Variants in WDR64 observed in about 807,000 individuals in gnomAD.
The protein encoded by WDR64 is WD repeat-containing protein 64.
A neutral mutation model predicts 139.3 loss-of-function variants in WDR64; 112 were observed. The ratio of observed to expected loss-of-function variants is 0.80; its 90% CI spans 0.69 to 0.94. The LOEUF is 0.94. WDR64 is among the 40% of genes least tolerant of loss of function. The pLI, the probability that WDR64 is intolerant of heterozygous loss-of-function variation, is 0.00. For missense variants in WDR64, 1,206 were observed against 1,293.1 expected, an observed-to-expected ratio of 0.93 and a Z score of 1.03; for synonymous variants, 444 against 437.7, an observed-to-expected ratio of 1.01 and a Z score of -0.18.
intron 7 of WDR64, 69 bp downstream of exon 7, chr1:241,683,770 A>G (rs905023921): frequency 8.1e-7 from 1 of 1,240,746 alleles, no homozygotes; most frequent in Non-Finnish European, 1.1e-6. Context: ...GCTTTATGGT[A>G]CAAAGTGAAA....
At chr1:241,678,656 C>T (rs7419051) in intron 5 of WDR64, among the ~76,000 whole-genome samples, 18,481 of 151,818 alleles carry the variant, frequency 0.12, 1,219 homozygotes, top group East Asian at 0.19. Flanking sequence ...CATCATTAAT[C>T]GGAATAGTAA....
chr1:241,659,977 TTGTC>T (rs1392233281), intron 1 of WDR64, among the ~76,000 whole-genome samples: 1 of 152,222 alleles, frequency 6.6e-6, no homozygotes, highest in African/African-American at 2.4e-5. Flanking sequence ...CATGAAATCT[TTGTC>T]TGTGACTCTG....
In WDR64 at chr1:241,712,222, A is replaced by ATG. The variant is rs1383654941; in HGVS notation, c.1054+348_1054+349dup. The stretch of plus-strand genomic sequence containing the variant: ...AGGAGACCTGGAGCCCCCGGCACTT[A>ATG]TGTGTGTGCGTGTGCCTTTTTCTGG... On this transcript the variant is annotated intron_variant, in intron 9 of 27. Coordinates refer to ENST00000437684, the MANE Select transcript of WDR64 (RefSeq NM_001367482.1). 1.3e-3 allele frequency among the ~76,000 whole-genome samples: 196 copies of ATG among 152,124 alleles called. 2 individuals are homozygous for ATG. Among genetic ancestry groups the ATG allele is most frequent in the Middle Eastern group, 0.01 (3 of 294 alleles).
At chr1:241,718,826 G>T (rs1197592525) in intron 9 of WDR64, among the ~76,000 whole-genome samples, 3 of 152,066 alleles carry the variant, frequency 2.0e-5, no homozygotes, top group Non-Finnish European at 2.9e-5. Flanking sequence ...TTCTCAAATG[G>T]CAGGGAGAGA....
At chr1:241,679,821 TGA>T (rs1203643633) in intron 6 of WDR64, among the ~76,000 whole-genome samples, 2 of 152,202 alleles carry the variant, frequency 1.3e-5, no homozygotes, top group Non-Finnish European at 2.9e-5. Flanking sequence ...GGGTTGTTTT[TGA>T]GAGAGGGGGT....
Position 241,769,451 on chromosome 1 carries a change from A to G in WDR64, c.2129A>G (p.Lys710Arg). The G allele has an allele frequency of 6.4e-7, 1 of 1,551,548 alleles. No homozygotes were observed. ...CFTVNPDLHP[K>R]HFKINDILFL... ...ACTGTAAACCCTGACTTGCATCCCA[A>G]GCACTTTAAAATTAATGACATACTG... The change falls in exon 17 of 28, where the codon AAG (lysine) becomes AGG (arginine). Residue 710 changes from lysine to arginine, a missense_variant. Lys to Arg is a conservative substitution (Grantham distance 26). Coordinates refer to ENST00000437684, the MANE Select transcript of WDR64 (RefSeq NM_001367482.1).
At chr1:241,765,911 T>A (rs566482430) in intron 15 of WDR64, among the ~76,000 whole-genome samples, 14 of 152,184 alleles carry the variant, frequency 9.2e-5, no homozygotes, top group Non-Finnish European at 1.9e-4. Context: ...ACGTAGAATA[T>A]TCTTTCAACA....
intron 10 of WDR64, among the ~76,000 whole-genome samples, chr1:241,737,236 C>T (rs1465640746): frequency 6.6e-6 from 1 of 152,172 alleles, no homozygotes; most frequent in Non-Finnish European, 1.5e-5. Flanking sequence ...TAATACTAGC[C>T]TACAGAGGGT....
chr1:241,676,938 C>G (rs1261609756), intron 4 of WDR64, among the ~76,000 whole-genome samples: 2 of 151,886 alleles, frequency 1.3e-5, no homozygotes, highest in Non-Finnish European at 2.9e-5. Context: ...TTGATTGTTG[C>G]AAGCCTTACA....
intron 7 of WDR64, among the ~76,000 whole-genome samples, chr1:241,684,119 G>T (rs1230340774): frequency 6.6e-6 from 1 of 152,132 alleles, no homozygotes. Flanking sequence ...CAAAGAAAAA[G>T]TTTGATAGAT....
chr1:241,775,965 T>C (rs1237246821), intron 21 of WDR64, among the ~76,000 whole-genome samples: 1 of 152,220 alleles, frequency 6.6e-6, no homozygotes, highest in Admixed American at 6.5e-5. Flanking sequence ...AAGATTTGCA[T>C]CTAGATTAAA....
At chr1:241,685,296 A>C (rs1450445202) in intron 7 of WDR64, among the ~76,000 whole-genome samples, 1 of 151,798 alleles carries the variant, frequency 6.6e-6, no homozygotes, top group Non-Finnish European at 1.5e-5. Flanking sequence ...TTGTTTTAAA[A>C]AATATTTAAT....
At chr1:241,747,167 T>C (rs1574065072) in intron 13 of WDR64, among the ~76,000 whole-genome samples, 1 of 152,160 alleles carries the variant, frequency 6.6e-6, no homozygotes, top group South Asian at 2.1e-4. Flanking sequence ...GCGGGGGTGG[T>C]GGTGACTATG....
intron 7 of WDR64, among the ~76,000 whole-genome samples, chr1:241,684,156 G>A (rs190572552): frequency 1.4e-3 from 212 of 152,228 alleles, no homozygotes; most frequent in Admixed American, 5.2e-3. Flanking sequence ...TAAAACCTCT[G>A]GACATCAAAA....
At chr1:241,707,107 T>C (rs1328858832) in intron 8 of WDR64, among the ~76,000 whole-genome samples, 4 of 152,158 alleles carry the variant, frequency 2.6e-5, no homozygotes, top group African/African-American at 9.7e-5. Flanking sequence ...TTCTCCCAGC[T>C]AGTTTACCTG....
chr1:241,733,400 G>A (rs1669169251), intron 10 of WDR64, among the ~76,000 whole-genome samples: 1 of 151,894 alleles, frequency 6.6e-6, no homozygotes, highest in African/African-American at 2.4e-5. Flanking sequence ...GCTTGAACCC[G>A]GGAGATGGAG....
intron 15 of WDR64, among the ~76,000 whole-genome samples, chr1:241,760,759 A>ATTTTTTTT (rs71174847): frequency 1.4e-4 from 12 of 87,056 alleles, no homozygotes; most frequent in South Asian, 4.4e-4. Context: ...GTGGGTTTCC[A>ATTTTTTTT]TTTTTTTTTT....
Position 241,766,275 on chromosome 1 carries a change from T to A in WDR64, c.2005T>A (p.Tyr669Asn). The A allele has an allele frequency of 6.2e-7, 1 of 1,614,164 alleles. No individual in the cohort carries two copies. The highest frequency in any genetic ancestry group is 8.5e-7 in the Non-Finnish European group (1 of 1,180,014). ...NCIDLLQVEG[Y>N]NLIAAGTLNG... is the part of the protein sequence containing the mutation. ...CATTGATTTACTACAAGTAGAAGGATATAATTTGATAGCAGCTGGAACCTT... is the reference window on the plus strand; with the variant it reads ...CATTGATTTACTACAAGTAGAAGGAAATAATTTGATAGCAGCTGGAACCTT... The change falls in exon 16 of 28, where the codon TAT (tyrosine) becomes AAT (asparagine). Residue 669 changes from tyrosine (Y) to asparagine (N), a missense_variant. Tyr to Asn is a moderately radical substitution (Grantham distance 143, BLOSUM62 -2). Transcript: ENST00000437684.
At chr1:241,730,959 G>A (rs543602495) in intron 10 of WDR64, among the ~76,000 whole-genome samples, 1 of 152,190 alleles carries the variant, frequency 6.6e-6, no homozygotes, top group East Asian at 1.9e-4. Context: ...TTCTCAAAAG[G>A]CAAGGTTGAT....
Sources: gnomAD v4.1 joint callset for allele counts (sites outside exome capture counted in the v4.1 genomes callset) on GRCh38, gnomAD v4.1.1 for gene constraint, MANE v1.5 for transcripts, NCBI Gene and HGNC (gene_info 2026-07-23, HGNC 2026-07-21) for gene names.